FRMD4A: variants seen among roughly 807,000 people sequenced by gnomAD.
The protein encoded by FRMD4A is FERM domain-containing protein 4A.
A neutral mutation model predicts 129.1 loss-of-function variants in FRMD4A; 29 were observed. The ratio of observed to expected loss-of-function variants is 0.22; its 90% CI spans 0.17 to 0.31. The LOEUF (loss-of-function observed/expected upper bound fraction) is 0.31. Among genes scored for constraint, FRMD4A ranks in the 10% least tolerant of loss-of-function variants. The pLI, the probability that FRMD4A is intolerant of heterozygous loss-of-function variation, is 1.00. For synonymous variants in FRMD4A, 634 were observed against 571.6 expected (o/e 1.11, Z -1.56); for missense variants, 1,272 against 1,375.8 (o/e 0.92, Z 1.19).
rs1380018816 is a variant in FRMD4A at position 13,649,944 on chromosome 10, A to AACTGTGACCCAG, written c.*2+1947_*2+1958dup. ...GATGAAGATCTAGGTGTGCTCTCTC[A>AACTGTGACCCAG]ACTGTGACCCAGAAGAGCAGCTTAG... On this transcript the variant is annotated intron_variant, in intron 24 of 24. Transcript: ENST00000357447. Among the ~76,000 whole-genome samples, 6 of 152,330 alleles carry AACTGTGACCCAG rather than the reference A, an allele frequency of 3.9e-5. No homozygotes were observed. The South Asian group carries it at 6.2e-4, about 16-fold the overall frequency.
intron 2 of FRMD4A, among the ~76,000 whole-genome samples, chr10:13,912,224 GT>G (rs2094948201): frequency 6.6e-6 from 1 of 152,148 alleles, no homozygotes; most frequent in Non-Finnish European, 1.5e-5. Flanking sequence ...GCTTCCTACA[GT>G]AGCAGTGTTG....
intron 2 of FRMD4A, among the ~76,000 whole-genome samples, chr10:13,943,443 A>T (rs2095307999): frequency 6.6e-6 from 1 of 151,944 alleles, no homozygotes; most frequent in Non-Finnish European, 1.5e-5. Context: ...AGGTCAAGAG[A>T]TCTAGACCAG....
At position 13,651,992 on chromosome 10, in the gene FRMD4A, G is replaced by T; in HGVS notation, c.3051-18C>A. The stretch of plus-strand genomic sequence containing the variant: ...TTGCTTCTCTGAACAAAGGAAAGCA[G>T]GAGGAGGAAGAGAAGAGAGGTCATG... On this transcript the variant is annotated intron_variant, in intron 23 of 24. Transcript: ENST00000357447. 1 of 1,440,442 alleles carries T rather than the reference G, an allele frequency of 6.9e-7. No individual in the cohort carries two copies. Among genetic ancestry groups the T allele is most frequent in the Middle Eastern group, 1.7e-4 (1 of 5,754 alleles). 89.2% of individuals were successfully genotyped at this position (1,440,442 alleles called of 1,614,324 possible).
chr10:13,844,770 A>G (rs917779894), intron 3 of FRMD4A, among the ~76,000 whole-genome samples: 44 of 152,216 alleles, frequency 2.9e-4, no homozygotes, highest in African/African-American at 1.1e-3. Flanking sequence ...TGCTAGTCGC[A>G]TGCTCTTCTG....
chr10:13,697,628 G>A (rs2086357029), intron 14 of FRMD4A, among the ~76,000 whole-genome samples: 1 of 151,620 alleles, frequency 6.6e-6, no homozygotes, highest in Admixed American at 6.6e-5. Context: ...TGATACACGT[G>A]ACTCAGTCTT....
chr10:13,831,156 C>G (rs971076698), intron 3 of FRMD4A, among the ~76,000 whole-genome samples: 11 of 152,200 alleles, frequency 7.2e-5, no homozygotes, highest in Non-Finnish European at 1.5e-4. Flanking sequence ...CACACACACA[C>G]AGAGAGGCAG....
intron 2 of FRMD4A, among the ~76,000 whole-genome samples, chr10:13,864,906 G>T (rs931529699): frequency 1.3e-5 from 2 of 152,128 alleles, no homozygotes; most frequent in African/African-American, 4.8e-5. Flanking sequence ...CATGGTATAT[G>T]CCTGTGCAGG....
intron 2 of FRMD4A, among the ~76,000 whole-genome samples, chr10:14,259,011 G>A (rs971052779): frequency 5.9e-5 from 9 of 152,078 alleles, no homozygotes; most frequent in Admixed American, 1.3e-4. Context: ...AGGGGTGTGA[G>A]GGAGGGATTA....
chr10:13,832,732 T>C (rs1022973716), intron 3 of FRMD4A, among the ~76,000 whole-genome samples: 3 of 152,020 alleles, frequency 2.0e-5, no homozygotes, highest in African/African-American at 7.2e-5. Context: ...GGCCAGGGGG[T>C]AGGTGGGAGT....
At chr10:13,745,224 A>G (rs1315575888) in intron 9 of FRMD4A, among the ~76,000 whole-genome samples, 1 of 152,248 alleles carries the variant, frequency 6.6e-6, no homozygotes, top group African/African-American at 2.4e-5. Flanking sequence ...AGTCCATATA[A>G]ATAAGGTTGA....
rs1016774593 is a variant in FRMD4A at position 13,750,081 on chromosome 10, A to G, written c.465-2262T>C. ...GGAAGGAAGGAAGGAAGAAAGAAAG[A>G]AAGAAAGAAAGAAAGAAAGAAAGAA... On this transcript the variant is annotated intron_variant, in intron 8 of 24. Transcript: ENST00000357447. Among the ~76,000 whole-genome samples the G allele has an allele frequency of 7.4e-3, 563 of 75,636 alleles. 10 individuals carry two copies. Among genetic ancestry groups the G allele is most frequent in the South Asian group, 0.067 (126 of 1,890 alleles). The allele number at this position is 75,636 out of a possible 152,430, so 49.6% of individuals were successfully genotyped here.
At chr10:14,046,752 G>C (rs1834006585) in intron 2 of FRMD4A, among the ~76,000 whole-genome samples, 1 of 152,154 alleles carries the variant, frequency 6.6e-6, no homozygotes, top group Non-Finnish European at 1.5e-5. Flanking sequence ...TTAGTGTTCT[G>C]CCTGGCTTTG....
At chr10:14,176,773 T>C (rs1841745320) in intron 2 of FRMD4A, among the ~76,000 whole-genome samples, 1 of 151,998 alleles carries the variant, frequency 6.6e-6, no homozygotes, top group African/African-American at 2.4e-5. Context: ...CACCCAGACT[T>C]ACTTCCATCT....
intron 7 of FRMD4A, 106 bp downstream of exon 7, chr10:13,762,518 C>T (rs1347949417): frequency 5.8e-6 from 4 of 687,190 alleles, no homozygotes; most frequent in Admixed American, 2.6e-5. Context: ...AAAGGTAAGA[C>T]GACAAATAGT....
At chr10:14,033,782 A>AAGAGAGAG (rs111309037) in intron 2 of FRMD4A, among the ~76,000 whole-genome samples, 1 of 145,384 alleles carries the variant, frequency 6.9e-6, no homozygotes, top group Non-Finnish European at 1.5e-5. Context: ...AAAACTCAGA[A>AAGAGAGAG]AGAGAGAGAG....
At chr10:13,853,219 A>T (rs982653449) in intron 3 of FRMD4A, among the ~76,000 whole-genome samples, 1 of 152,102 alleles carries the variant, frequency 6.6e-6, no homozygotes, top group Non-Finnish European at 1.5e-5. Flanking sequence ...GAGCACTCCT[A>T]TGTGTAAAGC....
At chr10:14,064,474 T>A (rs1432907244) in intron 2 of FRMD4A, among the ~76,000 whole-genome samples, 1 of 152,224 alleles carries the variant, frequency 6.6e-6, no homozygotes, top group Non-Finnish European at 1.5e-5. Context: ...AAATGCTTAT[T>A]CTTGGGAAAT....
chr10:13,915,338 T>C (rs1400895767), intron 2 of FRMD4A, among the ~76,000 whole-genome samples: 2 of 151,478 alleles, frequency 1.3e-5, no homozygotes, highest in African/African-American at 4.9e-5. Flanking sequence ...TGCTGGTGCA[T>C]GGAAGGAGGA....
intron 2 of FRMD4A, among the ~76,000 whole-genome samples, chr10:14,261,707 T>C (rs762937886): frequency 3.9e-5 from 6 of 152,192 alleles, no homozygotes; most frequent in Non-Finnish European, 7.3e-5. Flanking sequence ...TGGTTAGTTA[T>C]GCAGCTTTTG....
Sources: allele counts gnomAD v4.1 joint callset (sites outside exome capture counted in the v4.1 genomes callset), GRCh38; gene constraint gnomAD v4.1.1; transcripts MANE v1.5; gene names NCBI Gene and HGNC (gene_info 2026-07-23, HGNC 2026-07-21).